ATRNL1: variants seen among roughly 807,000 people sequenced by gnomAD.
ATRNL1 encodes attractin like 1.
ATRNL1 carries 95 observed loss-of-function variants against 182.7 expected under a neutral mutation model. That is an observed-to-expected ratio of 0.52 (90% confidence interval 0.44 to 0.62). The LOEUF is 0.62. ATRNL1 is among the 20% of genes least tolerant of loss of function. The probability of loss-of-function intolerance (pLI) is 0.00; values close to 1 mark genes in which losing one functional copy is unlikely to be tolerated. For missense variants in ATRNL1, 1,471 were observed against 1,679.5 expected (o/e 0.88, Z 2.17); for synonymous variants, 576 against 568.3 (o/e 1.01, Z -0.19).
At chr10:115,273,487 A>G (rs1164522200) in intron 13 of ATRNL1, among the ~76,000 whole-genome samples, 1 of 152,152 alleles carries the variant, frequency 6.6e-6, no homozygotes, top group Non-Finnish European at 1.5e-5. Context: ...CCATACAGAC[A>G]AACCATTGGC....
At chr10:115,438,568 A>G (rs1554965145) in intron 21 of ATRNL1, among the ~76,000 whole-genome samples, 2 of 151,764 alleles carry the variant, frequency 1.3e-5, no homozygotes, top group African/African-American at 2.4e-5. Context: ...CTCTTTATAT[A>G]TTTTTGCTTA....
chr10:115,417,090 C>G (rs1019015178), intron 20 of ATRNL1, among the ~76,000 whole-genome samples: 2 of 152,194 alleles, frequency 1.3e-5, no homozygotes, highest in African/African-American at 2.4e-5. Flanking sequence ...GACTGGCACC[C>G]AGGTAATAGA....
intron 26 of ATRNL1, among the ~76,000 whole-genome samples, chr10:115,561,704 G>GGTGTGTGTGTGTGTGT (rs71010029): frequency 1.2e-4 from 18 of 145,030 alleles, no homozygotes; most frequent in African/African-American, 4.4e-4. Context: ...TGTGTGTGTG[G>GGTGTGTGTGTGTGTGT]GTGTGTGTGT....
intron 26 of ATRNL1, among the ~76,000 whole-genome samples, chr10:115,677,812 C>T (rs782100339): frequency 7.9e-5 from 12 of 152,104 alleles, no homozygotes; most frequent in East Asian, 5.8e-4. Context: ...TGATGTTCCT[C>T]GGCAGCACCA....
At chr10:115,520,995 C>T (rs1306547999) in intron 25 of ATRNL1, among the ~76,000 whole-genome samples, 1 of 152,094 alleles carries the variant, frequency 6.6e-6, no homozygotes, top group Non-Finnish European at 1.5e-5. Flanking sequence ...TTTGAGGAAA[C>T]ATCTTAAATA....
At chr10:115,817,004 A>G (rs1346227049) in intron 27 of ATRNL1, among the ~76,000 whole-genome samples, 1 of 152,080 alleles carries the variant, frequency 6.6e-6, no homozygotes, top group Non-Finnish European at 1.5e-5. Context: ...GATAATTTGC[A>G]AGAAAATTGA....
At chr10:115,816,910 A>G (rs902284360) in intron 27 of ATRNL1, among the ~76,000 whole-genome samples, 2 of 152,106 alleles carry the variant, frequency 1.3e-5, no homozygotes, top group Middle Eastern at 3.2e-3. Flanking sequence ...TAGAATAGGT[A>G]TTTACCAAAC....
intron 26 of ATRNL1, among the ~76,000 whole-genome samples, chr10:115,602,808 C>A (rs59095894): frequency 0.022 from 3,344 of 151,266 alleles, 117 homozygotes; most frequent in African/African-American, 0.078. Context: ...GAGCAGAGAT[C>A]GCGCCACTGC....
chr10:115,554,614 C>T lies in ATRNL1; in HGVS notation c.3795+5078C>T, dbSNP rs111351316. Among the ~76,000 whole-genome samples, 233 of 151,540 alleles carry T rather than the reference C, an allele frequency of 1.5e-3. 1 individual carries two copies. Among genetic ancestry groups the T allele is most frequent in the Non-Finnish European group, 1.5e-3 (102 of 67,598 alleles). On this transcript the variant is annotated intron_variant, in intron 26 of 28. Transcript: ENST00000355044. ...GTAGTTTTAAAACATTTCAATAAGG[C>T]AGACACACACACACACATACACGTG...
At chr10:115,204,570 T>C (rs1178928677) in intron 8 of ATRNL1, among the ~76,000 whole-genome samples, 1 of 152,168 alleles carries the variant, frequency 6.6e-6, no homozygotes, top group Admixed American at 6.6e-5. Context: ...TTCATTCTGT[T>C]AATGTGGTGT....
intron 25 of ATRNL1, among the ~76,000 whole-genome samples, chr10:115,538,568 T>C (rs1592816031): frequency 6.6e-6 from 1 of 152,236 alleles, no homozygotes; most frequent in Non-Finnish European, 1.5e-5. Context: ...TTTTTGAATA[T>C]TGAATGTTTT....
chr10:115,335,516 A>G (rs1554936429), intron 19 of ATRNL1, among the ~76,000 whole-genome samples: 2 of 152,194 alleles, frequency 1.3e-5, no homozygotes, highest in Non-Finnish European at 2.9e-5. Flanking sequence ...AGTGACTAAT[A>G]TGCACTCAGA....
rs549505336 is a variant in ATRNL1, at chr10:115,160,149, C to T, written c.939C>T (p.His313=). The change falls in exon 6 of 29, where the codon CAC becomes CAT. Residue 313 remains histidine, a synonymous_variant. Transcript: ENST00000355044. ...GGGCTTCACATAAAGCAGTTTTACA[C>T]GGGAAATTTATGTGGGTGATTGGTG... ...VGRASHKAVL[H]GKFMWVIGGY... 1.6e-5 allele frequency: 26 copies of T among 1,611,704 alleles called. 1 individual carries two copies. The highest frequency in any genetic ancestry group is 8.0e-5 in the African/African-American group (6 of 74,598).
chr10:115,682,829 A>G (rs1002363293), intron 26 of ATRNL1, among the ~76,000 whole-genome samples: 4 of 152,182 alleles, frequency 2.6e-5, no homozygotes, highest in Non-Finnish European at 5.9e-5. Flanking sequence ...TCAAAGTTTC[A>G]TCAAGAAACT....
At chr10:115,326,489 A>G (rs373372675) in intron 18 of ATRNL1, among the ~76,000 whole-genome samples, 2 of 152,114 alleles carry the variant, frequency 1.3e-5, no homozygotes, top group East Asian at 1.9e-4. Flanking sequence ...AATCAATATC[A>G]TGAAAATGGC....
intron 26 of ATRNL1, among the ~76,000 whole-genome samples, chr10:115,679,120 T>G (rs1354664028): frequency 2.0e-5 from 3 of 152,110 alleles, no homozygotes; most frequent in Non-Finnish European, 2.9e-5. Context: ...AATCCCTGCA[T>G]GGCATGTACT....
intron 15 of ATRNL1, among the ~76,000 whole-genome samples, chr10:115,287,393 T>C (rs1852669063): frequency 1.3e-5 from 2 of 152,084 alleles, no homozygotes; most frequent in South Asian, 4.1e-4. Context: ...TATTTTTTTG[T>C]CTTTGTTCCC....
intron 1 of ATRNL1, among the ~76,000 whole-genome samples, chr10:115,114,545 G>T (rs1300374671): frequency 1.3e-5 from 2 of 151,892 alleles, no homozygotes; most frequent in Non-Finnish European, 2.9e-5. Context: ...TCAATAACAA[G>T]AAAACAAATA....
At chr10:115,209,296 G>A (rs1848926477) in intron 8 of ATRNL1, among the ~76,000 whole-genome samples, 1 of 151,226 alleles carries the variant, frequency 6.6e-6, no homozygotes, top group Non-Finnish European at 1.5e-5. Flanking sequence ...CCTACAAGCA[G>A]TATGCTCTGG....
Sources: allele counts gnomAD v4.1 joint callset (sites outside exome capture counted in the v4.1 genomes callset), GRCh38; gene constraint gnomAD v4.1.1; transcripts MANE v1.5; gene names NCBI Gene and HGNC (gene_info 2026-07-23, HGNC 2026-07-21).